Variants in PCDHA2 observed in about 807,000 individuals in gnomAD.
The protein encoded by PCDHA2 is protocadherin alpha-2.
Under a neutral mutation model 66.0 loss-of-function variants are expected in PCDHA2, and 58 were observed. The ratio of observed to expected loss-of-function variants is 0.88; its 90% CI spans 0.71 to 1.09. The LOEUF (loss-of-function observed/expected upper bound fraction) is 1.09, where lower values mean the gene tolerates loss of function less well. PCDHA2 is among the 50% of genes least tolerant of loss of function. The pLI is 0.00. For synonymous variants in PCDHA2, 634 were observed against 554.0 expected (o/e 1.14, Z -2.03); for missense variants, 1,267 against 1,242.3 (o/e 1.02, Z -0.30).
At chr5:140,904,143 T>C (rs1370565805) in intron 1 of PCDHA2, among the ~76,000 whole-genome samples, 1 of 152,136 alleles carries the variant, frequency 6.6e-6, no homozygotes, top group Non-Finnish European at 1.5e-5. Context: ...CCGAGCAGTA[T>C]ACATTGCACC....
intron 1 of PCDHA2, chr5:140,834,417 C>T: frequency 6.2e-7 from 1 of 1,611,544 alleles, no homozygotes; most frequent in Non-Finnish European, 8.5e-7. Flanking sequence ...CCCAGGGGGC[C>T]GACATCTACT....
At chr5:140,828,290 G>C (rs1554131172) in intron 1 of PCDHA2, 2 of 1,614,002 alleles carry the variant, frequency 1.2e-6, no homozygotes, top group African/African-American at 1.3e-5. Context: ...GTTCAGGATG[G>C]CCTCCAAAGA....
intron 1 of PCDHA2, chr5:140,834,498 G>T: frequency 6.2e-7 from 1 of 1,614,130 alleles, no homozygotes; most frequent in Non-Finnish European, 8.5e-7. Context: ...CCCCGAGGAG[G>T]CTAAACATGG....
intron 1 of PCDHA2, chr5:140,860,876 T>C (rs1451611710): frequency 6.6e-6 from 1 of 152,390 alleles, no homozygotes; most frequent in Non-Finnish European, 1.5e-5. Flanking sequence ...TAGCTGGGAC[T>C]ACAGGTGCCC....
chr5:141,009,576 T>C (rs2098411921), intron 3 of PCDHA2, 51 bp from the exon 4 acceptor site: 1 of 1,583,566 alleles, frequency 6.3e-7, no homozygotes. Flanking sequence ...CAGTGTGGCA[T>C]CAAGAGCATG....
chr5:140,945,709 G>T (rs1033770128), intron 1 of PCDHA2, among the ~76,000 whole-genome samples: 1 of 151,930 alleles, frequency 6.6e-6, no homozygotes. Flanking sequence ...TGCAACAAAA[G>T]TATCAAGAAT....
chr5:140,809,664 G>T, intron 1 of PCDHA2: 1 of 1,474,868 alleles, frequency 6.8e-7, no homozygotes, highest in Non-Finnish European at 9.1e-7. Context: ...AATTTCCCTG[G>T]GTTAAAATTT....
chr5:140,811,794 T>C (rs1454286156), intron 1 of PCDHA2: 1 of 152,230 alleles, frequency 6.6e-6, no homozygotes, highest in African/African-American at 2.4e-5. Flanking sequence ...TGCATAAATG[T>C]CTTCTTTTGA....
intron 1 of PCDHA2, among the ~76,000 whole-genome samples, chr5:140,903,708 T>C (rs1460220411): frequency 1.3e-5 from 2 of 152,212 alleles, no homozygotes; most frequent in Non-Finnish European, 2.9e-5. Context: ...AGTAATAAAA[T>C]ATACAATTCT....
chr5:140,857,727 AC>A, intron 1 of PCDHA2: 1 of 1,597,294 alleles, frequency 6.3e-7, no homozygotes, highest in Non-Finnish European at 8.6e-7. Context: ...GAGAACGACA[AC>A]GCTCCCGCGC....
At chr5:140,850,013 C>G in intron 1 of PCDHA2, 1 of 1,597,018 alleles carries the variant, frequency 6.3e-7, no homozygotes, top group Non-Finnish European at 8.6e-7. Flanking sequence ...CGCTGTCGAG[C>G]TACGTGTCAG....
At chr5:140,834,245 T>C in intron 1 of PCDHA2, 2 of 872,198 alleles carry the variant, frequency 2.3e-6, no homozygotes, top group Non-Finnish European at 3.5e-6. Flanking sequence ...CTTTTCGCAC[T>C]GGAAAGACGC....
chr5:140,877,120 A>G (rs782093528), intron 1 of PCDHA2: 4 of 1,613,684 alleles, frequency 2.5e-6, no homozygotes, highest in East Asian at 4.5e-5. Context: ...CAGCAACGTG[A>G]CGCTGCAGGT....
At chr5:140,888,189 T>C (rs1554183360) in intron 1 of PCDHA2, among the ~76,000 whole-genome samples, 2 of 152,344 alleles carry the variant, frequency 1.3e-5, no homozygotes. Flanking sequence ...TTGTGAATTT[T>C]ACATTGTCGG....
intron 1 of PCDHA2, 34 bp from the exon 2 acceptor site, chr5:140,978,915 A>G: frequency 6.2e-7 from 1 of 1,613,970 alleles, no homozygotes; most frequent in Non-Finnish European, 8.5e-7. Context: ...TTGTCTTGTC[A>G]TTTTAACAGA....
At chr5:140,884,439 C>T (rs1554181562) in intron 1 of PCDHA2, 1 of 1,613,818 alleles carries the variant, frequency 6.2e-7, no homozygotes, top group Non-Finnish European at 8.5e-7. Flanking sequence ...CTGCGGTGCT[C>T]GGCACCGCCC....
chr5:140,810,680 T>C (rs887175912), intron 1 of PCDHA2: 5 of 97,508 alleles, frequency 5.1e-5, no homozygotes, highest in Admixed American at 1.9e-4. Context: ...CTTTTTTCTC[T>C]TCTTTTTGCT....
chr5:140,883,256 A>G, intron 1 of PCDHA2: 2 of 1,614,146 alleles, frequency 1.2e-6, no homozygotes, highest in Non-Finnish European at 1.7e-6. Flanking sequence ...AAATATTCCA[A>G]TGGCGGGTCA....
chr5:140,802,857 T>C (rs567006708), intron 1 of PCDHA2: 1 of 1,613,308 alleles, frequency 6.2e-7, no homozygotes, highest in South Asian at 1.1e-5. Context: ...GCTGCAGGTG[T>C]TCGTGCTGGA....
Sources: gnomAD v4.1 joint callset for allele counts (sites outside exome capture counted in the v4.1 genomes callset) on GRCh38, gnomAD v4.1.1 for gene constraint, MANE v1.5 for transcripts, NCBI Gene and HGNC (gene_info 2026-07-23, HGNC 2026-07-21) for gene names.